The following ADAMTS17 variants were observed in gnomAD, a reference collection of about 807,000 sequenced individuals.
The protein encoded by ADAMTS17 is A disintegrin and metalloproteinase with thrombospondin motifs 17.
Under a neutral mutation model 141.5 loss-of-function variants are expected in ADAMTS17, and 113 were observed. The ratio of observed to expected loss-of-function variants is 0.80; its 90% CI spans 0.69 to 0.93. The LOEUF (loss-of-function observed/expected upper bound fraction) is 0.93. ADAMTS17 is among the 40% of genes least tolerant of loss of function. The pLI, the probability that ADAMTS17 is intolerant of heterozygous loss-of-function variation, is 0.00. For synonymous variants in ADAMTS17, 768 were observed against 630.6 expected (o/e 1.22, Z -3.27); for missense variants, 1,659 against 1,517.9 (o/e 1.09, Z -1.54).
At chr15:99,980,511 A>C (rs1180041823) in intron 20 of ADAMTS17, 3 of 152,244 alleles carry the variant, frequency 2.0e-5, no homozygotes, top group African/African-American at 7.2e-5. Context: ...AGCATGGGGC[A>C]GGGGGCTGTT....
At chr15:100,127,574 TTTTG>T (rs937070816) in intron 12 of ADAMTS17, among the ~76,000 whole-genome samples, 180 of 152,290 alleles carry the variant, frequency 1.2e-3, no homozygotes, top group African/African-American at 4.1e-3. Flanking sequence ...TGATTCTATT[TTTTG>T]TTTGTTTGTT....
chr15:100,003,150 G>A (rs11630583), intron 18 of ADAMTS17, among the ~76,000 whole-genome samples: 76,858 of 151,512 alleles, frequency 0.51, 20,084 homozygotes, highest in Non-Finnish European at 0.57. Flanking sequence ...GGGACCTCGA[G>A]TCTCCCCATA....
intron 7 of ADAMTS17, among the ~76,000 whole-genome samples, chr15:100,222,378 G>T (rs553851931): frequency 2.0e-5 from 3 of 152,218 alleles, no homozygotes; most frequent in Non-Finnish European, 2.9e-5. Context: ...GCCACAGCAC[G>T]TCTGAACAGA....
At chr15:99,974,608 G>T in intron 21 of ADAMTS17, 46 bp from the exon 22 acceptor site, 1 of 1,612,642 alleles carries the variant, frequency 6.2e-7, no homozygotes, top group Non-Finnish European at 8.5e-7. Context: ...GATGGCCTAG[G>T]CATGTCCTGA....
At chr15:100,047,371 C>G (rs1596297668) in intron 18 of ADAMTS17, among the ~76,000 whole-genome samples, 1 of 74,170 alleles carries the variant, frequency 1.3e-5, no homozygotes, top group Non-Finnish European at 2.4e-5. Flanking sequence ...GTGACCCACA[C>G]CCTATTCACA....
chr15:100,176,964 T>C (rs1359807479), intron 8 of ADAMTS17, among the ~76,000 whole-genome samples: 1 of 152,262 alleles, frequency 6.6e-6, no homozygotes, highest in East Asian at 1.9e-4. Flanking sequence ...TTTTTATTGC[T>C]AGGTGGTATT....
In ADAMTS17 at chr15:100,273,342, A is replaced by T. The variant is rs79561864; in HGVS notation, c.789+7887T>A. Among the ~76,000 whole-genome samples, 815 of 152,186 alleles carry T rather than the reference A, an allele frequency of 5.4e-3. 15 individuals carry two copies. The East Asian group carries it at 0.068, about 13-fold the overall frequency. On this transcript the variant is annotated intron_variant, in intron 4 of 21. Coordinates refer to ENST00000268070, the MANE Select transcript of ADAMTS17 (RefSeq NM_139057.4). ...GTCATAATGTCCAGGGCTATTCTTT[A>T]TTAGGAGGTTTTTGATTACTGATTC... is the stretch of plus-strand genomic sequence containing the variant.
At chr15:99,974,638 T>C in intron 21 of ADAMTS17, 76 bp from the exon 22 acceptor site, 1 of 1,591,668 alleles carries the variant, frequency 6.3e-7, no homozygotes, top group Admixed American at 1.7e-5. Context: ...AGGGAGGGCT[T>C]GTGGTCTGAC....
chr15:100,126,709 C>G (rs983237672), intron 12 of ADAMTS17, among the ~76,000 whole-genome samples: 2 of 152,166 alleles, frequency 1.3e-5, no homozygotes, highest in African/African-American at 2.4e-5. Context: ...ACTGGTATTG[C>G]AGAGAGATTG....
chr15:100,075,414 CTG>C (rs1345997651), intron 15 of ADAMTS17, among the ~76,000 whole-genome samples: 1 of 152,096 alleles, frequency 6.6e-6, no homozygotes, highest in East Asian at 1.9e-4. Context: ...CAAAAAATAA[CTG>C]TTCATTGTCC....
intron 18 of ADAMTS17, among the ~76,000 whole-genome samples, chr15:100,027,522 T>G (rs560599133): frequency 1.3e-5 from 2 of 152,396 alleles, no homozygotes; most frequent in African/African-American, 4.8e-5. Flanking sequence ...CCCTGATACT[T>G]GTCTTGGTGA....
chr15:100,122,090 G>A (rs1407804336), intron 12 of ADAMTS17, among the ~76,000 whole-genome samples: 1 of 152,184 alleles, frequency 6.6e-6, no homozygotes. Flanking sequence ...GCTACTGTCT[G>A]TCCTTCACAG....
chr15:100,263,474 T>C (rs2043601693), intron 4 of ADAMTS17, among the ~76,000 whole-genome samples: 1 of 152,166 alleles, frequency 6.6e-6, no homozygotes, highest in Non-Finnish European at 1.5e-5. Flanking sequence ...CAATTTTGCA[T>C]GTCTTGTTGC....
At chr15:100,096,531 A>C (rs2035770211) in intron 14 of ADAMTS17, 55 bp from the exon 15 acceptor site, 1 of 1,612,834 alleles carries the variant, frequency 6.2e-7, no homozygotes, top group Non-Finnish European at 8.5e-7. Flanking sequence ...GGAGTTTTAA[A>C]GAGGCTGCCC....
intron 6 of ADAMTS17, among the ~76,000 whole-genome samples, chr15:100,259,641 G>C (rs1345834940): frequency 1.3e-5 from 2 of 152,218 alleles, no homozygotes; most frequent in Non-Finnish European, 1.5e-5. Flanking sequence ...GATTGTCTAT[G>C]ATAGAGCTTA....
intron 8 of ADAMTS17, among the ~76,000 whole-genome samples, chr15:100,174,334 C>A (rs1218221504): frequency 6.6e-6 from 1 of 152,082 alleles, no homozygotes; most frequent in East Asian, 1.9e-4. Flanking sequence ...TCTAGATAGT[C>A]TGCCCTGACA....
chr15:100,125,280 T>G (rs2037672138), intron 12 of ADAMTS17, among the ~76,000 whole-genome samples: 1 of 152,270 alleles, frequency 6.6e-6, no homozygotes, highest in Non-Finnish European at 1.5e-5. Context: ...AAGTAACACA[T>G]GTAACTTATG....
At position 100,133,271 on chromosome 15, in the gene ADAMTS17, T is replaced by C. The variant is rs752956170; in HGVS notation, c.1518A>G (p.Thr506=). ...AGLWCLVEGD[T]SCKTKLDPPL... Reference sequence around the variant, plus strand: ...GAGGGTCCAGCTTGGTCTTGCAGGATGTGTCTCCTTCTACCAGGCACCACA... The same window carrying C: ...GAGGGTCCAGCTTGGTCTTGCAGGACGTGTCTCCTTCTACCAGGCACCACA... Residue 506 remains threonine, a synonymous_variant, in exon 11 of 22, where the codon ACA becomes ACG. Transcript: ENST00000268070. The C allele has an allele frequency of 9.4e-6, 15 of 1,598,816 alleles. No homozygotes were observed. The Admixed American group carries it at 1.0e-4, about 11-fold the overall frequency.
At chr15:100,168,779 A>G (rs1281515595) in intron 8 of ADAMTS17, 1 of 152,224 alleles carries the variant, frequency 6.6e-6, no homozygotes, top group Admixed American at 6.5e-5. Context: ...CTGCAACCCC[A>G]AGCTCTGCGG....
Sources: gnomAD v4.1 joint callset for allele counts (sites outside exome capture counted in the v4.1 genomes callset) on GRCh38, gnomAD v4.1.1 for gene constraint, MANE v1.5 for transcripts, NCBI Gene and HGNC (gene_info 2026-07-23, HGNC 2026-07-21) for gene names.